GPR176: variants seen among roughly 807,000 people sequenced by gnomAD.
GPR176 encodes the protein G protein-coupled receptor 176.
In GPR176, 26 loss-of-function variants were observed where a neutral mutation model predicts 35.4. That is an observed-to-expected ratio of 0.74 (90% CI 0.54 to 1.02). The LOEUF is 1.02. Ranked by LOEUF, GPR176 falls within the 50% of genes least tolerant of loss-of-function variation. GPR176 has a pLI of 0.00. For synonymous variants in GPR176, 278 were observed against 271.3 expected, an observed-to-expected ratio of 1.02 and a Z score of -0.24; for missense variants, 597 against 665.3, an observed-to-expected ratio of 0.90 and a Z score of 1.13.
At chr15:39,877,079 A>G (rs527635367) in intron 1 of GPR176, among the ~76,000 whole-genome samples, 10 of 152,290 alleles carry the variant, frequency 6.6e-5, no homozygotes, top group Non-Finnish European at 1.3e-4. Flanking sequence ...AAAGCAATTA[A>G]AAGTCTCATA....
chr15:39,898,824 C>T (rs1464510152), intron 1 of GPR176, among the ~76,000 whole-genome samples: 1 of 151,916 alleles, frequency 6.6e-6, no homozygotes, highest in Non-Finnish European at 1.5e-5. Flanking sequence ...AGAAGTATGA[C>T]TATGAAAGGA....
At chr15:39,860,569 C>T (rs2031524835) in intron 1 of GPR176, among the ~76,000 whole-genome samples, 1 of 152,144 alleles carries the variant, frequency 6.6e-6, no homozygotes, top group African/African-American at 2.4e-5. Context: ...TGAGAAAATG[C>T]CTTAGTTTAT....
At chr15:39,815,145 G>C (rs563350183) in intron 1 of GPR176, among the ~76,000 whole-genome samples, 1 of 152,346 alleles carries the variant, frequency 6.6e-6, no homozygotes, top group East Asian at 1.9e-4. Context: ...GACAGAAAAA[G>C]AGAGAGGTTT....
At chr15:39,909,036 T>G (rs2033504303) in intron 1 of GPR176, among the ~76,000 whole-genome samples, 1 of 152,156 alleles carries the variant, frequency 6.6e-6, no homozygotes, top group Non-Finnish European at 1.5e-5. Context: ...CACTCAATAT[T>G]CCCTCTGTAA....
At chr15:39,879,982 A>G (rs1188538252) in intron 1 of GPR176, among the ~76,000 whole-genome samples, 1 of 152,200 alleles carries the variant, frequency 6.6e-6, no homozygotes, top group Non-Finnish European at 1.5e-5. Context: ...TCAAAGTCCT[A>G]TGTGGGTGAC....
rs1445346376 is a variant in GPR176, at chr15:39,801,268, C to G, written c.1412G>C (p.Ser471Thr). ...CAAGGGGGGAAGCAGCCGCTTCTTG[C>G]TGTTTCGGGTCTCTGAGAGCCACTG... ...PPQWLSETRN[S>T]KKRLLPPLGN... The change falls in exon 3 of 3, where the codon AGC becomes ACC. Residue 471 changes from serine (S) to threonine (T), a missense_variant. Transcript: ENST00000561100. 3 of 1,614,204 alleles carry G rather than the reference C, an allele frequency of 1.9e-6. No individual in the cohort carries two copies. The East Asian group carries it at 6.7e-5, about 36-fold the overall frequency.
chr15:39,896,558 C>T (rs1020556904), intron 1 of GPR176, among the ~76,000 whole-genome samples: 12 of 152,084 alleles, frequency 7.9e-5, no homozygotes, highest in Non-Finnish European at 1.5e-5. Flanking sequence ...TTCTTTGTAA[C>T]TTTCAATGTT....
intron 1 of GPR176, among the ~76,000 whole-genome samples, chr15:39,917,341 CTTT>C (rs766888618): frequency 7.4e-6 from 1 of 134,972 alleles, no homozygotes. Flanking sequence ...TGTGATTGAA[CTTT>C]TTTTTTTTTT....
chr15:39,894,465 G>A (rs143856265), intron 1 of GPR176: 6,248 of 168,314 alleles, frequency 0.037, 431 homozygotes, highest in African/African-American at 0.14. Context: ...CTTCTCAGAC[G>A]GGGCGGTTGC....
chr15:39,841,107 C>T (rs2140790402), intron 1 of GPR176, among the ~76,000 whole-genome samples: 1 of 152,240 alleles, frequency 6.6e-6, no homozygotes, highest in East Asian at 1.9e-4. Context: ...TACCACTTAG[C>T]CCTGAAAGGA....
intron 2 of GPR176, among the ~76,000 whole-genome samples, chr15:39,806,119 T>C (rs572267649): frequency 9.2e-5 from 14 of 152,366 alleles, no homozygotes; most frequent in African/African-American, 3.4e-4. Flanking sequence ...TAAGGTATTA[T>C]GTTTTGAATG....
chr15:39,838,108 T>C (rs921499756), intron 1 of GPR176, among the ~76,000 whole-genome samples: 2 of 152,092 alleles, frequency 1.3e-5, no homozygotes. Context: ...CATAGATGCA[T>C]TAAGTTTCTG....
At chr15:39,809,299 T>C (rs928211817) in intron 1 of GPR176, among the ~76,000 whole-genome samples, 1 of 152,180 alleles carries the variant, frequency 6.6e-6, no homozygotes, top group Admixed American at 6.5e-5. Flanking sequence ...CATTTGGTTC[T>C]AAGAACCTGA....
intron 1 of GPR176, among the ~76,000 whole-genome samples, chr15:39,897,597 A>ATTTTTTTTTT (rs1491229135): frequency 1.1e-5 from 1 of 93,812 alleles, no homozygotes; most frequent in Non-Finnish European, 2.3e-5. Context: ...AAACATCCAA[A>ATTTTTTTTTT]TATTTTTTTT....
chr15:39,906,147 A>G (rs2033416118), intron 1 of GPR176, among the ~76,000 whole-genome samples: 1 of 152,254 alleles, frequency 6.6e-6, no homozygotes, highest in Non-Finnish European at 1.5e-5. Context: ...TACACATTCT[A>G]TCAGCGGAAG....
intron 1 of GPR176, among the ~76,000 whole-genome samples, chr15:39,845,315 T>A (rs1480363101): frequency 6.6e-6 from 1 of 151,954 alleles, no homozygotes; most frequent in African/African-American, 2.4e-5. Flanking sequence ...TTATTGCAAA[T>A]AAGCAACTAA....
At chr15:39,835,111 G>T (rs1156901447) in intron 1 of GPR176, among the ~76,000 whole-genome samples, 1 of 152,040 alleles carries the variant, frequency 6.6e-6, no homozygotes, top group Non-Finnish European at 1.5e-5. Context: ...TCTGCCTCCT[G>T]GGTTCAAGCA....
At chr15:39,906,523 C>A (rs893808181) in intron 1 of GPR176, among the ~76,000 whole-genome samples, 1 of 152,180 alleles carries the variant, frequency 6.6e-6, no homozygotes, top group Non-Finnish European at 1.5e-5. Context: ...TGTCTAAGAC[C>A]CAAAGACTCC....
intron 1 of GPR176, chr15:39,829,073 T>G (rs1900884922): frequency 4.1e-6 from 4 of 979,714 alleles, no homozygotes; most frequent in Middle Eastern, 2.0e-4. Flanking sequence ...CACTGAAAGG[T>G]TAATTACCCA....
Sources: allele counts gnomAD v4.1 joint callset (sites outside exome capture counted in the v4.1 genomes callset), GRCh38; gene constraint gnomAD v4.1.1; transcripts MANE v1.5; gene names NCBI Gene and HGNC (gene_info 2026-07-23, HGNC 2026-07-21).